CRMP1: variants seen among roughly 807,000 people sequenced by gnomAD.
CRMP1 encodes dihydropyrimidinase-related protein 1.
Under a neutral mutation model 68.3 loss-of-function variants are expected in CRMP1, and 19 were observed. The ratio of observed to expected loss-of-function variants is 0.28; its 90% CI spans 0.19 to 0.41. The LOEUF (loss-of-function observed/expected upper bound fraction) is 0.41. Among genes scored for constraint, CRMP1 ranks in the 10% least tolerant of loss-of-function variants. CRMP1 has a pLI of 1.00. For missense variants in CRMP1, 791 were observed against 967.4 expected (o/e 0.82, Z 2.42); for synonymous variants, 439 against 399.6 (o/e 1.10, Z -1.18).
chr4:5,836,302 C>A (rs1305572686), intron 10 of CRMP1, among the ~76,000 whole-genome samples: 2 of 152,150 alleles, frequency 1.3e-5, no homozygotes, highest in Non-Finnish European at 2.9e-5. Context: ...GACGCAAGAG[C>A]CACTATGACA....
chr4:5,852,217 G>A (rs1013567715), intron 4 of CRMP1, among the ~76,000 whole-genome samples: 4 of 152,240 alleles, frequency 2.6e-5, no homozygotes, highest in South Asian at 2.1e-4. Context: ...CAGCTGCTCC[G>A]TCAGGGAGAG....
rs763199505 is a variant in CRMP1, at chr4:5,834,360, G to A, written c.1623+1555C>T. Among the ~76,000 whole-genome samples the A allele has an allele frequency of 1.3e-5, 2 of 152,198 alleles. No homozygotes were observed. The highest frequency in any genetic ancestry group is 2.9e-5 in the Non-Finnish European group (2 of 68,036). Reference sequence around the variant, plus strand: ...TTAATGGTTAATGCTATTATCACAGGAATGAGTTAGTTATTGTGAGACTGG... The same window carrying A: ...TTAATGGTTAATGCTATTATCACAGAAATGAGTTAGTTATTGTGAGACTGG... On this transcript the variant is annotated intron_variant, in intron 11 of 13. Transcript: ENST00000324989. The surrounding 1 kb of genome is among the most constrained non-coding windows in gnomAD (Gnocchi z 4.3).
intron 9 of CRMP1, among the ~76,000 whole-genome samples, chr4:5,837,609 CAA>C (rs1413102382): frequency 8.9e-6 from 1 of 111,822 alleles, no homozygotes; most frequent in Admixed American, 8.4e-5. Context: ...GCCTGGGCGA[CAA>C]GAGCAAAACG....
At position 5,854,527 on chromosome 4, in the gene CRMP1, G is replaced by A; in HGVS notation, c.820+1616C>T. ...CCCGAAGTGCTAGGATTACAGGCAT[G>A]AGCCACCATGGCCAATAATGCCTTC... is the stretch of plus-strand genomic sequence containing the variant. On this transcript the variant is annotated intron_variant, in intron 4 of 13. Transcript: ENST00000324989. The surrounding 1 kb of genome is among the most constrained non-coding windows in gnomAD (Gnocchi z 4.0). Among the ~76,000 whole-genome samples, 1 of 151,290 alleles carries A rather than the reference G, an allele frequency of 6.6e-6. No individual in the cohort carries two copies. Among genetic ancestry groups the A allele is most frequent in the African/African-American group, 2.4e-5 (1 of 41,104 alleles).
chr4:5,830,531 ATAG>A (rs1479471134), intron 11 of CRMP1, among the ~76,000 whole-genome samples: 1 of 152,214 alleles, frequency 6.6e-6, no homozygotes, highest in Non-Finnish European at 1.5e-5. Flanking sequence ...TTGATAGTAA[ATAG>A]TAGGGCAGAG....
rs1278662582 is a variant in CRMP1, at chr4:5,838,439, T to TGGGTA, written c.1310+1078_1310+1082dup. On this transcript the variant is annotated intron_variant, in intron 9 of 13. Coordinates refer to ENST00000324989, the MANE Select transcript of CRMP1 (RefSeq NM_001014809.3). The surrounding 1 kb of genome is among the most constrained non-coding windows in gnomAD (Gnocchi z 4.9). ...CTAAATGTCTGACAGCAGACTGTGA[T>TGGGTA]GGGTAGGGTGGGGTGGGCCCGTGTG... Among the ~76,000 whole-genome samples the TGGGTA allele has an allele frequency of 4.0e-5, 6 of 148,232 alleles. No individual in the cohort carries two copies. The highest frequency in any genetic ancestry group is 6.0e-5 in the Non-Finnish European group (4 of 67,152).
At chr4:5,824,320 C>T (rs1285547705) in intron 13 of CRMP1, 2 of 985,178 alleles carry the variant, frequency 2.0e-6, no homozygotes, top group African/African-American at 1.7e-5. Context: ...CCATTTTGTG[C>T]AAAAATATGA....
chr4:5,875,930 A>C (rs1343307003), intron 1 of CRMP1, among the ~76,000 whole-genome samples: 1 of 152,164 alleles, frequency 6.6e-6, no homozygotes, highest in African/African-American at 2.4e-5. Context: ...AAGCGGGTGG[A>C]TCATGAGGTC....
At chr4:5,831,786 A>C (rs73206298) in intron 11 of CRMP1, among the ~76,000 whole-genome samples, 1 of 152,218 alleles carries the variant, frequency 6.6e-6, no homozygotes, top group African/African-American at 2.4e-5. Flanking sequence ...CAATTCCTTC[A>C]TTTCTTAAAG....
intron 6 of CRMP1, among the ~76,000 whole-genome samples, chr4:5,846,002 A>G (rs984715456): frequency 6.6e-6 from 1 of 152,152 alleles, no homozygotes; most frequent in Non-Finnish European, 1.5e-5. Context: ...TCCTTTAAAT[A>G]GGGACCTTTT....
intron 10 of CRMP1, among the ~76,000 whole-genome samples, chr4:5,836,451 C>A (rs74884908): frequency 0.038 from 5,806 of 152,326 alleles, 176 homozygotes; most frequent in African/African-American, 0.077. Context: ...ACTCCTAACA[C>A]GTGTGCACAT....
intron 11 of CRMP1, among the ~76,000 whole-genome samples, chr4:5,830,808 AC>A (rs1027805748): frequency 1.3e-5 from 2 of 152,032 alleles, no homozygotes; most frequent in African/African-American, 4.8e-5. Flanking sequence ...TCATCTGGGA[AC>A]TCTGCTTTCC....
At chr4:5,827,620 G>A (rs542425332) in intron 12 of CRMP1, among the ~76,000 whole-genome samples, 10 of 151,502 alleles carry the variant, frequency 6.6e-5, no homozygotes, top group South Asian at 6.3e-4. Context: ...ACACACACGC[G>A]CACACACACA....
At position 5,838,264 on chromosome 4, in the gene CRMP1, G is replaced by A. The variant is rs182370775; in HGVS notation, c.1310+1258C>T. On this transcript the variant is annotated intron_variant, in intron 9 of 13. Transcript: ENST00000324989. This position sits in a 1 kb window ranked among gnomAD's most constrained non-coding sequence, Gnocchi z 4.9. ...ATGAAGCTGGGACTGGACCGAGGGA[G>A]CCAAGGGCAGAGGAGGCCCAGGGAG... is the stretch of plus-strand genomic sequence containing the variant. 4.6e-5 allele frequency among the ~76,000 whole-genome samples: 7 copies of A among 152,274 alleles called. No individual in the cohort carries two copies. In the East Asian group the frequency reaches 7.7e-4, roughly 17 times the overall value.
At chr4:5,848,621 CGAT>C (rs1355707445) in intron 6 of CRMP1, among the ~76,000 whole-genome samples, 9 of 152,220 alleles carry the variant, frequency 5.9e-5, no homozygotes, top group African/African-American at 1.9e-4. Flanking sequence ...CTCACATACA[CGAT>C]GTCTTACTCT....
At chr4:5,831,124 T>G (rs1251056415) in intron 11 of CRMP1, among the ~76,000 whole-genome samples, 3 of 152,036 alleles carry the variant, frequency 2.0e-5, no homozygotes, top group African/African-American at 7.2e-5. Flanking sequence ...AATTTTTTTA[T>G]TTTTTTGTAG....
In CRMP1 at chr4:5,830,490, A is replaced by G. The variant is rs74421674; in HGVS notation, c.1624-1822T>C. ...TCTAGTCCTTTCATAGCTTTATTTT[A>G]TCTTAATCTTTGAACCATGGTTTGA... On this transcript the variant is annotated intron_variant, in intron 11 of 13. Coordinates refer to ENST00000324989, the MANE Select transcript of CRMP1 (RefSeq NM_001014809.3). Among the ~76,000 whole-genome samples, 831 of 152,290 alleles carry G rather than the reference A, an allele frequency of 5.5e-3. 8 individuals are homozygous for G. Among genetic ancestry groups the G allele is most frequent in the African/African-American group, 0.019 (784 of 41,568 alleles).
At position 5,889,980 on chromosome 4, in the gene CRMP1, A is replaced by G. The variant is rs146763297; in HGVS notation, c.381+2609T>C. The G allele has an allele frequency of 3.0e-4, 360 of 1,195,942 alleles. 1 individual carries two copies. In the African/African-American group the frequency reaches 5.1e-3, roughly 17 times the overall value. 74.1% of individuals were successfully genotyped at this position (1,195,942 alleles called of 1,614,324 possible). Reference sequence around the variant, plus strand: ...TAAAATGATGTACCCCGGGTGCAAAACATATTAGCTGCAGCAAAGCAGCAT... The same window carrying G: ...TAAAATGATGTACCCCGGGTGCAAAGCATATTAGCTGCAGCAAAGCAGCAT... On this transcript the variant is annotated intron_variant, in intron 1 of 13. Transcript: ENST00000324989. This position sits in a 1 kb window ranked among gnomAD's most constrained non-coding sequence, Gnocchi z 4.5.
rs765626291 is a variant in CRMP1 at position 5,892,791 on chromosome 4, G to A, written c.179C>T (p.Ser60Leu). Residue 60 changes from serine to leucine, a missense_variant, in exon 1 of 14, where the codon TCG (serine) becomes TTG (leucine). By Grantham distance (145) the Ser-to-Leu change is moderately radical. Transcript: ENST00000324989. The surrounding 1 kb of genome is among the most constrained non-coding windows in gnomAD (Gnocchi z 8.6). Reference protein sequence around the residue: ...FDAYSVGRRGSARTPRSAGRP... With the variant: ...FDAYSVGRRGLARTPRSAGRP... The stretch of plus-strand genomic sequence containing the variant: ...GCCAGCGCTGCGCGGCGTGCGCGCC[G>A]AGCCGCGGCGGCCCACACTGTAGGC... 2.3e-6 allele frequency: 3 copies of A among 1,320,226 alleles called. No homozygotes were observed. Among genetic ancestry groups the A allele is most frequent in the South Asian group, 1.9e-5 (1 of 52,814 alleles). 81.8% of individuals were successfully genotyped at this position (1,320,226 alleles called of 1,614,324 possible). A position where few individuals can be genotyped will look rare whatever the true frequency, so the allele number is the denominator to read the frequency against.
Sources: allele counts gnomAD v4.1 joint callset (sites outside exome capture counted in the v4.1 genomes callset), GRCh38; gene constraint gnomAD v4.1.1; non-coding constraint Gnocchi (gnomAD v3.1); transcripts MANE v1.5; gene names NCBI Gene and HGNC (gene_info 2026-07-23, HGNC 2026-07-21).